The following RYR3 variants were observed in gnomAD, a reference collection of about 807,000 sequenced individuals.
RYR3 encodes the protein ryanodine receptor 3.
In RYR3, 207 loss-of-function variants were observed where a neutral mutation model predicts 584.3. The observed-to-expected ratio is 0.35, with a 90% CI of 0.32 to 0.40. The LOEUF is 0.40. Ranked by LOEUF, RYR3 falls within the 10% of genes least tolerant of loss-of-function variation. RYR3 has a pLI of 1.00. For synonymous variants in RYR3, 2,416 were observed against 2,248.5 expected (o/e 1.07, Z -2.11); for missense variants, 5,616 against 6,089.2 (o/e 0.92, Z 2.59).
intron 89 of RYR3, 42 bp from the exon 90 acceptor site, chr15:33,840,783 G>C (rs1433962813): frequency 1.3e-6 from 2 of 1,597,802 alleles, no homozygotes; most frequent in Non-Finnish European, 1.7e-6. Flanking sequence ...TCATGACCTC[G>C]CTTCTTTGAG....
chr15:33,784,993 C>A (rs1389154205), intron 65 of RYR3, among the ~76,000 whole-genome samples: 1 of 152,138 alleles, frequency 6.6e-6, no homozygotes, highest in African/African-American at 2.4e-5. Flanking sequence ...AGGGCTCCCA[C>A]GATTCCTTAC....
At chr15:33,835,398 TC>T (rs1567279239) in intron 87 of RYR3, among the ~76,000 whole-genome samples, 1 of 152,146 alleles carries the variant, frequency 6.6e-6, no homozygotes. Flanking sequence ...TTACAAACAC[TC>T]TACCAGCCCC....
chr15:33,790,817 G>A lies in RYR3; in HGVS notation c.9830+2359G>A, dbSNP rs115101640. Among the ~76,000 whole-genome samples the A allele has an allele frequency of 5.3e-3, 803 of 152,268 alleles. 6 individuals are homozygous for A. The highest frequency in any genetic ancestry group is 0.018 in the African/African-American group (747 of 41,548). On this transcript the variant is annotated intron_variant, in intron 67 of 103. Coordinates refer to ENST00000634891, the MANE Select transcript of RYR3 (RefSeq NM_001036.6). ...GAGGTCAGGTAGAAGAAGAGGAACA[G>A]CAAATGAGACTGAGAGGGAGAAACC...
Position 33,477,908 on chromosome 15 carries a change from A to G in RYR3, c.171+4370A>G, listed in dbSNP as rs867784658. On this transcript the variant is annotated intron_variant, in intron 2 of 103. Transcript: ENST00000634891. Reference sequence around the variant, plus strand: ...AAAAAAAAAAAAAAAAAAAAAAAAGACTAGGGGCTATTACCAGAGACTCAG... The same window carrying G: ...AAAAAAAAAAAAAAAAAAAAAAAAGGCTAGGGGCTATTACCAGAGACTCAG... Among the ~76,000 whole-genome samples, 11 of 128,974 alleles carry G rather than the reference A, an allele frequency of 8.5e-5. 2 individuals carry two copies. Among genetic ancestry groups the G allele is most frequent in the South Asian group, 2.5e-4 (1 of 3,936 alleles). 84.6% of individuals were successfully genotyped at this position (128,974 alleles called of 152,430 possible). A position where few individuals can be genotyped will look rare whatever the true frequency, so the allele number is the denominator to read the frequency against.
intron 38 of RYR3, among the ~76,000 whole-genome samples, chr15:33,693,337 G>A (rs983612605): frequency 2.6e-5 from 4 of 152,218 alleles, no homozygotes; most frequent in Non-Finnish European, 5.9e-5. Flanking sequence ...TCCTGTGCCC[G>A]GCCCTTTGCG....
chr15:33,368,012 A>G (rs764295762), intron 1 of RYR3, among the ~76,000 whole-genome samples: 5 of 152,168 alleles, frequency 3.3e-5, no homozygotes, highest in East Asian at 1.9e-4. Context: ...AGCATTGTAA[A>G]TGGGAAGGAA....
chr15:33,336,478 GAGAGAGAGAA>G lies in RYR3; in HGVS notation c.51+25386_51+25395del, dbSNP rs1420185023. Reference sequence around the variant, plus strand: ...AGAGAGAGAGAGAGAGAGAGAGAGAGAGAGAGAGAAAGAAAGAAAGAAAGAAGGAGGGAAG... The same window carrying G: ...AGAGAGAGAGAGAGAGAGAGAGAGAGAGAAAGAAAGAAAGAAGGAGGGAAG... On this transcript the variant is annotated intron_variant, in intron 1 of 103. Transcript: ENST00000634891. Among the ~76,000 whole-genome samples, 158 of 41,060 alleles carry G rather than the reference GAGAGAGAGAA, an allele frequency of 3.8e-3. 65 individuals are homozygous for G. The highest frequency in any genetic ancestry group is 0.035 in the African/African-American group (136 of 3,902). The allele number at this position is 41,060 out of a possible 152,430, so 26.9% of individuals were successfully genotyped here. A position where few individuals can be genotyped will look rare whatever the true frequency, so the allele number is the denominator to read the frequency against.
intron 14 of RYR3, among the ~76,000 whole-genome samples, chr15:33,583,573 G>C (rs924928251): frequency 1.6e-4 from 24 of 152,162 alleles, no homozygotes. Context: ...GTACATAGCA[G>C]ACTCTCTGGA....
chr15:33,813,374 C>G (rs2076647952), intron 73 of RYR3, 93 bp from the exon 74 acceptor site: 2 of 1,128,920 alleles, frequency 1.8e-6, no homozygotes, highest in South Asian at 2.7e-5. Context: ...AGCCAAAATT[C>G]TTCCAGAATG....
At chr15:33,454,841 G>A (rs540992988) in intron 1 of RYR3, among the ~76,000 whole-genome samples, 7 of 152,258 alleles carry the variant, frequency 4.6e-5, no homozygotes, top group South Asian at 4.2e-4. Context: ...TGGTGAGGGC[G>A]GGTAGGAACT....
intron 19 of RYR3, among the ~76,000 whole-genome samples, chr15:33,622,885 C>A (rs1566804620): frequency 6.6e-6 from 1 of 152,114 alleles, no homozygotes; most frequent in Non-Finnish European, 1.5e-5. Context: ...TTACTTTCAC[C>A]TTCTTTTTGC....
chr15:33,526,315 A>G (rs1219655189), intron 3 of RYR3, among the ~76,000 whole-genome samples: 2 of 152,200 alleles, frequency 1.3e-5, no homozygotes, highest in African/African-American at 4.8e-5. Context: ...ACATGGCATC[A>G]GGGCCTTTTA....
intron 19 of RYR3, 47 bp downstream of exon 19, chr15:33,613,422 C>T (rs2060294936): frequency 6.5e-7 from 1 of 1,530,842 alleles, no homozygotes; most frequent in East Asian, 2.3e-5. Flanking sequence ...TACCCCACCT[C>T]CCCGCCACCA....
At chr15:33,566,255 A>G (rs1018292247) in intron 11 of RYR3, among the ~76,000 whole-genome samples, 1 of 152,220 alleles carries the variant, frequency 6.6e-6, no homozygotes, top group Non-Finnish European at 1.5e-5. Flanking sequence ...ATCCCAGTAC[A>G]GAATTTTGCT....
chr15:33,664,115 CA>C lies in RYR3; in HGVS notation c.5619+380del, dbSNP rs564398558. On this transcript the variant is annotated intron_variant, in intron 36 of 103. Coordinates refer to ENST00000634891, the MANE Select transcript of RYR3 (RefSeq NM_001036.6). The stretch of plus-strand genomic sequence containing the variant: ...AAGTCACTACCTGTCTATCAGTTAC[CA>C]ACAGAATAGGGTCAACCTGCCCCTA... 9.7e-4 allele frequency among the ~76,000 whole-genome samples: 148 copies of C among 152,196 alleles called. 3 individuals carry two copies. The South Asian group carries it at 0.028, about 29-fold the overall frequency.
chr15:33,683,693 A>G (rs938685794), intron 38 of RYR3, among the ~76,000 whole-genome samples: 31 of 152,246 alleles, frequency 2.0e-4, no homozygotes, highest in Non-Finnish European at 2.9e-5. Context: ...CACCTCACCC[A>G]GGAAGCACAA....
At chr15:33,534,342 A>C (rs1233562215) in intron 5 of RYR3, among the ~76,000 whole-genome samples, 1 of 152,240 alleles carries the variant, frequency 6.6e-6, no homozygotes, top group African/African-American at 2.4e-5. Context: ...CAGGGGTTGC[A>C]GTGAGCCGAG....
intron 1 of RYR3, among the ~76,000 whole-genome samples, chr15:33,416,676 A>G (rs2043835299): frequency 6.6e-6 from 1 of 152,182 alleles, no homozygotes; most frequent in African/African-American, 2.4e-5. Context: ...TTTGCTGGGC[A>G]GAAGCTCTTT....
intron 3 of RYR3, among the ~76,000 whole-genome samples, chr15:33,522,570 C>T (rs1301078165): frequency 1.3e-5 from 2 of 152,212 alleles, no homozygotes; most frequent in Non-Finnish European, 2.9e-5. Flanking sequence ...GTGCTTTATA[C>T]TCCAAGGTTG....
Sources: gnomAD v4.1 joint callset for allele counts (sites outside exome capture counted in the v4.1 genomes callset) on GRCh38, gnomAD v4.1.1 for gene constraint, MANE v1.5 for transcripts, NCBI Gene and HGNC (gene_info 2026-07-23, HGNC 2026-07-21) for gene names.